The following KIRREL3 variants were observed in gnomAD, a reference collection of about 807,000 sequenced individuals.
The protein encoded by KIRREL3 is kirre like nephrin family adhesion molecule 3, also known as kin of IRRE-like protein 3.
In KIRREL3, 36 loss-of-function variants were observed where a neutral mutation model predicts 89.7. That is an observed-to-expected ratio of 0.40 (90% CI 0.31 to 0.53). The LOEUF (loss-of-function observed/expected upper bound fraction) is 0.53, where lower values mean the gene tolerates loss of function less well. Ranked by LOEUF, KIRREL3 falls within the 20% of genes least tolerant of loss-of-function variation. The pLI is 0.49. For missense variants in KIRREL3, 864 were observed against 1,056.6 expected (o/e 0.82, Z 2.53); for synonymous variants, 445 against 441.4 (o/e 1.01, Z -0.10).
rs976595190 is a variant in KIRREL3 at position 126,943,398 on chromosome 11, A to G, written c.55+57057T>C. ...ACCCTCCTCGGAACAATCTGATACC[A>G]TTATCACTGACATCATCAAAAGAAG... On this transcript the variant is annotated intron_variant, in intron 1 of 16. Transcript: ENST00000525144. This position sits in a 1 kb window ranked among gnomAD's most constrained non-coding sequence, Gnocchi z 4.2. Among the ~76,000 whole-genome samples the G allele has an allele frequency of 6.6e-6, 1 of 152,196 alleles. No individual in the cohort carries two copies. The highest frequency in any genetic ancestry group is 2.4e-5 in the African/African-American group (1 of 41,442).
chr11:126,952,958 T>C (rs930861619), intron 1 of KIRREL3, among the ~76,000 whole-genome samples: 3 of 152,290 alleles, frequency 2.0e-5, no homozygotes, highest in African/African-American at 7.2e-5. Flanking sequence ...AGAAATACCA[T>C]TTGACCCAGC....
At chr11:126,854,414 C>A (rs1453624917) in intron 1 of KIRREL3, among the ~76,000 whole-genome samples, 1 of 152,118 alleles carries the variant, frequency 6.6e-6, no homozygotes, top group East Asian at 1.9e-4. Context: ...TGACAACCAC[C>A]TTCTACTTTG....
At chr11:126,549,409 C>T (rs894998543) in intron 2 of KIRREL3, 6 of 152,332 alleles carry the variant, frequency 3.9e-5, no homozygotes, top group East Asian at 3.9e-4. Flanking sequence ...GACATGAGCA[C>T]TCTGTGGAGG....
Position 126,472,703 on chromosome 11 carries a change from G to GGAGA in KIRREL3, c.591+602_591+605dup, listed in dbSNP as rs56276959. On this transcript the variant is annotated intron_variant, in intron 5 of 16. Transcript: ENST00000525144. ...CCCAGCAGTTACCCTAGGACATAGA[G>GGAGA]GAGAGAGAGAGAGAGAGAGAGAGAG... 3.1e-3 allele frequency among the ~76,000 whole-genome samples: 411 copies of GGAGA among 134,172 alleles called. 1 individual carries two copies. The highest frequency in any genetic ancestry group is 7.0e-3 in the South Asian group (27 of 3,842). 88.0% of individuals were successfully genotyped at this position (134,172 alleles called of 152,430 possible). A position where few individuals can be genotyped will look rare whatever the true frequency, so the allele number is the denominator to read the frequency against.
intron 1 of KIRREL3, among the ~76,000 whole-genome samples, chr11:126,801,934 T>TC (rs1951048755): frequency 7.1e-6 from 1 of 141,550 alleles, no homozygotes; most frequent in Admixed American, 7.3e-5. Flanking sequence ...ACGCTGTCTC[T>TC]TAAAAAAAAA....
At position 126,796,920 on chromosome 11, in the gene KIRREL3, C is replaced by T. The variant is rs765231577; in HGVS notation, c.55+203535G>A. 1.3e-5 allele frequency among the ~76,000 whole-genome samples: 2 copies of T among 152,082 alleles called. No individual in the cohort carries two copies. Among genetic ancestry groups the T allele is most frequent in the Non-Finnish European group, 2.9e-5 (2 of 68,030 alleles). On this transcript the variant is annotated intron_variant, in intron 1 of 16. Coordinates refer to ENST00000525144, the MANE Select transcript of KIRREL3 (RefSeq NM_032531.4). This position sits in a 1 kb window ranked among gnomAD's most constrained non-coding sequence, Gnocchi z 5.1. ...CCCTCGGACTTAGAAAAAGATCTGC[C>T]TGATTGGGGTTGTGAGCTAGCACAG...
At chr11:126,751,278 C>T (rs1297386020) in intron 1 of KIRREL3, among the ~76,000 whole-genome samples, 1 of 152,224 alleles carries the variant, frequency 6.6e-6, no homozygotes, top group African/African-American at 2.4e-5. Flanking sequence ...GATGCACCAT[C>T]TCCTTGTCTC....
At position 126,768,256 on chromosome 11, in the gene KIRREL3, A is replaced by T. The variant is rs1235939554; in HGVS notation, c.56-205344T>A. Reference sequence around the variant, plus strand: ...TGTCCATCTGTCCATCCATACATGCATCCACCCATCCATCCATCCATTCAT... The same window carrying T: ...TGTCCATCTGTCCATCCATACATGCTTCCACCCATCCATCCATCCATTCAT... On this transcript the variant is annotated intron_variant, in intron 1 of 16. Transcript: ENST00000525144. This position sits in a 1 kb window ranked among gnomAD's most constrained non-coding sequence, Gnocchi z 4.5. Among the ~76,000 whole-genome samples the T allele has an allele frequency of 6.7e-6, 1 of 149,848 alleles. No homozygotes were observed. The highest frequency in any genetic ancestry group is 1.5e-5 in the Non-Finnish European group (1 of 67,892).
At chr11:126,671,205 A>G (rs1408120737) in intron 1 of KIRREL3, among the ~76,000 whole-genome samples, 2 of 151,222 alleles carry the variant, frequency 1.3e-5, no homozygotes, top group African/African-American at 4.9e-5. Context: ...GAGAAAATCT[A>G]TGGCCTTAGA....
intron 1 of KIRREL3, among the ~76,000 whole-genome samples, chr11:126,869,792 T>C (rs1006927684): frequency 1.3e-5 from 2 of 152,138 alleles, no homozygotes; most frequent in Admixed American, 1.3e-4. Flanking sequence ...ACAGAATAAG[T>C]GTTCGCTGAA....
intron 1 of KIRREL3, among the ~76,000 whole-genome samples, chr11:126,790,339 G>C (rs560859808): frequency 1.6e-4 from 24 of 152,294 alleles, no homozygotes; most frequent in African/African-American, 4.8e-4. Flanking sequence ...CCAGAGCCTT[G>C]GATTCCCAGA....
At chr11:126,868,983 C>A (rs1419812428) in intron 1 of KIRREL3, among the ~76,000 whole-genome samples, 2 of 152,078 alleles carry the variant, frequency 1.3e-5, no homozygotes, top group Admixed American at 6.6e-5. Flanking sequence ...AAAGCCTCCA[C>A]CCTTGTGACC....
rs372637002 is a variant in KIRREL3, at chr11:126,954,008, CTGTG to C, written c.55+46443_55+46446del. Among the ~76,000 whole-genome samples the C allele has an allele frequency of 6.6e-6, 1 of 151,912 alleles. No individual in the cohort carries two copies. The highest frequency in any genetic ancestry group is 2.4e-5 in the African/African-American group (1 of 41,340). Reference sequence around the variant, plus strand: ...ATGCACATCTGTCAGAGGTGTGAGCCTGTGTGTGTGTGCACAGGGGTGTGTGTGC... The same window carrying C: ...ATGCACATCTGTCAGAGGTGTGAGCCTGTGTGTGCACAGGGGTGTGTGTGC... On this transcript the variant is annotated intron_variant, in intron 1 of 16. Transcript: ENST00000525144. The surrounding 1 kb of genome is among the most constrained non-coding windows in gnomAD (Gnocchi z 4.1).
intron 4 of KIRREL3, among the ~76,000 whole-genome samples, chr11:126,512,003 T>C (rs6590217): frequency 0.37 from 55,590 of 152,056 alleles, 11,102 homozygotes; most frequent in African/African-American, 0.51. Context: ...AAGCTGGAGC[T>C]GGGACAGGGG....
chr11:126,919,460 G>A (rs11220660), intron 1 of KIRREL3, among the ~76,000 whole-genome samples: 2,872 of 152,302 alleles, frequency 0.019, 100 homozygotes, highest in East Asian at 0.13. Context: ...TGGTAGTTCT[G>A]GCTGCAGTGA....
At chr11:126,439,901 G>A (rs1386501588) in intron 11 of KIRREL3, among the ~76,000 whole-genome samples, 1 of 151,968 alleles carries the variant, frequency 6.6e-6, no homozygotes, top group Admixed American at 6.6e-5. Flanking sequence ...GCTGAGGGTG[G>A]ACTCCTCAGT....
rs190403243 is a variant in KIRREL3, at chr11:126,489,052, T to G, written c.434-15586A>C. On this transcript the variant is annotated intron_variant, in intron 4 of 16. Coordinates refer to ENST00000525144, the MANE Select transcript of KIRREL3 (RefSeq NM_032531.4). This position sits in a 1 kb window ranked among gnomAD's most constrained non-coding sequence, Gnocchi z 5.5. The stretch of plus-strand genomic sequence containing the variant: ...TCAGTGTTTGCTCAAATGTGCCCTC[T>G]GACCTCCACTAGACTGCGCTTAGGC... Among the ~76,000 whole-genome samples the G allele has an allele frequency of 1.0e-3, 152 of 152,292 alleles. 1 individual carries two copies. In the East Asian group the frequency reaches 0.023, roughly 23 times the overall value.
chr11:126,494,632 C>A (rs1331844528), intron 4 of KIRREL3, among the ~76,000 whole-genome samples: 3 of 152,192 alleles, frequency 2.0e-5, no homozygotes, highest in African/African-American at 7.2e-5. Flanking sequence ...GAGAATGATG[C>A]CTCACTCTGA....
intron 1 of KIRREL3, among the ~76,000 whole-genome samples, chr11:126,929,953 C>G (rs754756794): frequency 1.3e-5 from 2 of 151,814 alleles, no homozygotes; most frequent in Non-Finnish European, 2.9e-5. Flanking sequence ...GAGCCACCCC[C>G]CCCCCCCCAC....
Sources: gnomAD v4.1 joint callset for allele counts (sites outside exome capture counted in the v4.1 genomes callset) on GRCh38, gnomAD v4.1.1 for gene constraint, Gnocchi (gnomAD v3.1) non-coding constraint, MANE v1.5 for transcripts, NCBI Gene and HGNC (gene_info 2026-07-23, HGNC 2026-07-21) for gene names.